The following ZNF516 variants were observed in gnomAD, a reference collection of about 807,000 sequenced individuals.
The protein encoded by ZNF516 is zinc finger protein 516.
ZNF516 carries 19 observed loss-of-function variants against 79.7 expected under a neutral mutation model. The observed-to-expected ratio is 0.24, with a 90% confidence interval of 0.17 to 0.35. The LOEUF is 0.35. Ranked by LOEUF, ZNF516 falls within the 10% of genes least tolerant of loss-of-function variation. ZNF516 has a pLI of 1.00. For synonymous variants in ZNF516, 877 were observed against 739.5 expected, an observed-to-expected ratio of 1.19 and a Z score of -3.02; for missense variants, 1,678 against 1,679.5, an observed-to-expected ratio of 1.00 and a Z score of 0.02.
chr18:76,475,610 C>A (rs1240491152), intron 1 of ZNF516, among the ~76,000 whole-genome samples: 1 of 152,236 alleles, frequency 6.6e-6, no homozygotes, highest in South Asian at 2.1e-4. Flanking sequence ...CAAAGAAAGG[C>A]GGCTCCACAG....
chr18:76,384,437 C>T (rs1158704740), intron 3 of ZNF516, among the ~76,000 whole-genome samples: 9 of 124,648 alleles, frequency 7.2e-5, no homozygotes, highest in South Asian at 6.0e-4. Context: ...ACGGTTCTCA[C>T]GCCCCGTCCA....
chr18:76,384,825 G>A (rs1436609548), intron 3 of ZNF516, among the ~76,000 whole-genome samples: 1 of 152,150 alleles, frequency 6.6e-6, no homozygotes, highest in Non-Finnish European at 1.5e-5. Context: ...ACAGCCCCTG[G>A]GTGGCAGTGC....
At chr18:76,477,072 G>A (rs1787538113) in intron 1 of ZNF516, among the ~76,000 whole-genome samples, 1 of 152,146 alleles carries the variant, frequency 6.6e-6, no homozygotes, top group Non-Finnish European at 1.5e-5. Context: ...TATGTCCAAA[G>A]CACTGTTTTT....
At chr18:76,450,829 C>T (rs991107942) in intron 2 of ZNF516, among the ~76,000 whole-genome samples, 1 of 152,136 alleles carries the variant, frequency 6.6e-6, no homozygotes, top group Non-Finnish European at 1.5e-5. Context: ...GTCTCTGAAT[C>T]GACAGGAAAT....
chr18:76,495,725 C>T, upstream of ZNF516: 6 of 1,181,322 alleles, frequency 5.1e-6, no homozygotes, highest in Non-Finnish European at 6.4e-6. Flanking sequence ...GTCCCGCCGG[C>T]GGGTACCTGG....
chr18:76,421,497 G>A (rs1341938646), intron 3 of ZNF516, among the ~76,000 whole-genome samples: 15 of 152,236 alleles, frequency 9.9e-5, no homozygotes, highest in Admixed American at 9.8e-4. Context: ...CTGAGCCCCC[G>A]TGAGTTCTGT....
intron 3 of ZNF516, among the ~76,000 whole-genome samples, chr18:76,411,835 G>A (rs957848377): frequency 3.3e-5 from 5 of 152,130 alleles, no homozygotes; most frequent in African/African-American, 1.2e-4. Flanking sequence ...GCCTGAAAAC[G>A]TGTACCACCC....
chr18:76,450,757 G>C (rs1014728581), intron 2 of ZNF516, among the ~76,000 whole-genome samples: 46 of 152,264 alleles, frequency 3.0e-4, no homozygotes, highest in African/African-American at 9.6e-4. Context: ...GTTCTGACCA[G>C]TTAAATATGG....
At chr18:76,470,734 G>C (rs1252229765) in intron 1 of ZNF516, among the ~76,000 whole-genome samples, 1 of 152,172 alleles carries the variant, frequency 6.6e-6, no homozygotes. Context: ...GTGCCACAAG[G>C]CTGGGCGCGG....
chr18:76,440,617 G>C (rs758080793), intron 3 of ZNF516, among the ~76,000 whole-genome samples: 23 of 152,234 alleles, frequency 1.5e-4, no homozygotes, highest in African/African-American at 4.8e-5. Flanking sequence ...AAAGTAATCT[G>C]TTCCAATTAA....
At chr18:76,436,193 C>T (rs964941915) in intron 3 of ZNF516, among the ~76,000 whole-genome samples, 1 of 152,240 alleles carries the variant, frequency 6.6e-6, no homozygotes, top group Non-Finnish European at 1.5e-5. Context: ...CTGCAAGCTC[C>T]TGTTTAATAG....
chr18:76,376,325 CCTA>C (rs2074785817), intron 4 of ZNF516, among the ~76,000 whole-genome samples: 1 of 152,142 alleles, frequency 6.6e-6, no homozygotes, highest in African/African-American at 2.4e-5. Flanking sequence ...TAATAATGCA[CCTA>C]CTAACAGGTA....
chr18:76,475,337 C>T (rs1599148119), intron 1 of ZNF516, among the ~76,000 whole-genome samples: 1 of 152,114 alleles, frequency 6.6e-6, no homozygotes, highest in Non-Finnish European at 1.5e-5. Flanking sequence ...ATTAAGTTGG[C>T]CAAGACTTAA....
At chr18:76,470,840 C>T (rs888461332) in intron 1 of ZNF516, among the ~76,000 whole-genome samples, 1 of 152,136 alleles carries the variant, frequency 6.6e-6, no homozygotes, top group African/African-American at 2.4e-5. Context: ...CAGGGAAACC[C>T]CGTCTCTACT....
At chr18:76,490,750 G>C in intron 1 of ZNF516, 1 of 985,198 alleles carries the variant, frequency 1.0e-6, no homozygotes, top group Non-Finnish European at 1.2e-6. Context: ...TGTGTAAGTA[G>C]GATCCCCACT....
At position 76,360,646 on chromosome 18, in the gene ZNF516, A is replaced by AAAAAAAT. The variant is rs373540251; in HGVS notation, c.*1851_*1852insATTTTTT. 1.0e-3 allele frequency: 75 copies of AAAAAAAT among 72,456 alleles called. No homozygotes were observed. Among genetic ancestry groups the AAAAAAAT allele is most frequent in the African/African-American group, 2.7e-3 (45 of 16,372 alleles). The allele number at this position is 72,456 out of a possible 1,614,324, so 4.5% of individuals were successfully genotyped here. Reference sequence around the variant, plus strand: ...AAAAAAATAAGTAAAAAAAAAAAAAAATATATATATATATATATATATATA... The same window carrying AAAAAAAT: ...AAAAAAATAAGTAAAAAAAAAAAAAAAAAAAATATATATATATATATATATATATATA... On this transcript the variant is annotated 3_prime_UTR_variant, in exon 7 of 7. Coordinates refer to ENST00000443185, the MANE Select transcript of ZNF516 (RefSeq NM_014643.4).
intron 2 of ZNF516, among the ~76,000 whole-genome samples, chr18:76,444,628 C>T (rs958514323): frequency 6.6e-6 from 1 of 152,198 alleles, no homozygotes; most frequent in African/African-American, 2.4e-5. Flanking sequence ...TGCAGCCTCC[C>T]AGGTTTTCAT....
At chr18:76,389,916 C>T (rs1340171477) in intron 3 of ZNF516, among the ~76,000 whole-genome samples, 2 of 152,144 alleles carry the variant, frequency 1.3e-5, no homozygotes, top group African/African-American at 2.4e-5. Flanking sequence ...CATGACCTCA[C>T]CTGTGGTCCC....
At chr18:76,407,426 AAAG>A (rs1041778125) in intron 3 of ZNF516, among the ~76,000 whole-genome samples, 8 of 152,114 alleles carry the variant, frequency 5.3e-5, no homozygotes, top group African/African-American at 1.9e-4. Flanking sequence ...GTCTCATAAC[AAAG>A]AAGAGGGGGG....
Sources: gnomAD v4.1 joint callset for allele counts (sites outside exome capture counted in the v4.1 genomes callset) on GRCh38, gnomAD v4.1.1 for gene constraint, MANE v1.5 for transcripts, NCBI Gene and HGNC (gene_info 2026-07-23, HGNC 2026-07-21) for gene names.